NBEAL2: variants seen among roughly 807,000 people sequenced by gnomAD.
NBEAL2 encodes neurobeachin like 2.
In NBEAL2, 160 loss-of-function variants were observed where a neutral mutation model predicts 299.8. That is an observed-to-expected ratio of 0.53 (90% CI 0.47 to 0.61). The LOEUF (loss-of-function observed/expected upper bound fraction) is 0.61. Ranked by LOEUF, NBEAL2 falls within the 20% of genes least tolerant of loss-of-function variation. NBEAL2 has a pLI of 0.00. For synonymous variants in NBEAL2, 1,493 were observed against 1,542.3 expected (o/e 0.97, Z 0.75); for missense variants, 3,112 against 3,649.0 (o/e 0.85, Z 3.79).
chr3:46,995,307 C>T lies in NBEAL2; in HGVS notation c.1572C>T (p.Gly524=), dbSNP rs2036403697. Reference sequence around the variant, plus strand: ...TGCTGGCACTGCTACAAGCACTGGGCCGTGTATCAATAAGGCCCATGGAGC... The same window carrying T: ...TGCTGGCACTGCTACAAGCACTGGGTCGTGTATCAATAAGGCCCATGGAGC... The part of the protein sequence containing the change: ...EQLLALLQAL[G]RVSIRPMELR... Residue 524 remains glycine, a synonymous_variant, in exon 13 of 54, where the codon GGC becomes GGT. Transcript: ENST00000450053. The T allele has an allele frequency of 6.3e-7, 1 of 1,582,166 alleles. No individual in the cohort carries two copies. Among genetic ancestry groups the T allele is most frequent in the South Asian group, 1.1e-5 (1 of 87,566 alleles).
In NBEAL2 at chr3:47,002,302, G is replaced by A. The variant is rs925859427; in HGVS notation, c.5151+14G>A. 1.3e-6 allele frequency: 2 copies of A among 1,585,250 alleles called. No homozygotes were observed. Among genetic ancestry groups the A allele is most frequent in the Non-Finnish European group, 8.6e-7 (1 of 1,162,060 alleles). On this transcript the variant is annotated intron_variant, in intron 31 of 53. Coordinates refer to ENST00000450053, the MANE Select transcript of NBEAL2 (RefSeq NM_015175.3). Reference sequence around the variant, plus strand: ...ATCGACAAACAGGTGCCTGGAGGTTGGGGCCCAGGAAGAGGAGTGGGGGCT... The same window carrying A: ...ATCGACAAACAGGTGCCTGGAGGTTAGGGCCCAGGAAGAGGAGTGGGGGCT...
In NBEAL2 at chr3:47,000,285, C is replaced by A. The variant is rs1436746563; in HGVS notation, c.4186C>A (p.Arg1396=). 1 of 1,612,678 alleles carries A rather than the reference C, an allele frequency of 6.2e-7. No homozygotes were observed. Among genetic ancestry groups the A allele is most frequent in the African/African-American group, 1.3e-5 (1 of 75,052 alleles). ...PGTPSPLDGP[R]PFPAAPGRHS... is the part of the protein sequence containing the mutation. ...CACTCCTTCGCCACTGGATGGGCCGCGGCCCTTTCCTGCTGCTCCTGGCCG... is the reference window on the plus strand; with the variant it reads ...CACTCCTTCGCCACTGGATGGGCCGAGGCCCTTTCCTGCTGCTCCTGGCCG... The change falls in exon 27 of 54, where the codon CGG becomes AGG. Residue 1396 remains arginine (R), a synonymous_variant. Coordinates refer to ENST00000450053, the MANE Select transcript of NBEAL2 (RefSeq NM_015175.3). The surrounding 1 kb of genome is among the most constrained non-coding windows in gnomAD (Gnocchi z 4.5).
rs371072275 is a variant in NBEAL2, at chr3:47,002,143, G to T, written c.5006G>T (p.Arg1669Leu). 52 of 1,550,326 alleles carry T rather than the reference G, an allele frequency of 3.4e-5. No homozygotes were observed. Among genetic ancestry groups the T allele is most frequent in the Non-Finnish European group, 4.4e-5 (51 of 1,146,850 alleles). The change falls in exon 31 of 54, where the codon CGC becomes CTC. Residue 1669 changes from arginine to leucine, a missense_variant. Physicochemically the swap from Arg to Leu is moderately radical, Grantham distance 102. Transcript: ENST00000450053. ...TGCTCCTGGCTGGTGCCACTGGTGC[G>T]CACGCTGCTAGACCGTGCCTATGAG... ...ERCSWLVPLVRTLLDRAYEPL... is the reference protein window; with the variant it reads ...ERCSWLVPLVLTLLDRAYEPL...
Position 47,005,014 on chromosome 3 carries a change from C to T in NBEAL2, c.6337C>T (p.Leu2113Phe), listed in dbSNP as rs2037318794. 6.2e-7 allele frequency: 1 copy of T among 1,612,172 alleles called. No homozygotes were observed. The highest frequency in any genetic ancestry group is 1.7e-5 in the Admixed American group (1 of 59,796). Reference sequence around the variant, plus strand: ...GGACTACGTGTCCCCAACCCTGGACCTCAGCAACCCAGCCGTCTTCCGGGA... The same window carrying T: ...GGACTACGTGTCCCCAACCCTGGACTTCAGCAACCCAGCCGTCTTCCGGGA... ...LQDYVSPTLDLSNPAVFRDLS... is the reference protein window; with the variant it reads ...LQDYVSPTLDFSNPAVFRDLS... Residue 2113 changes from leucine (L) to phenylalanine (F), a missense_variant, in exon 39 of 54, where the codon CTC (leucine) becomes TTC (phenylalanine). Transcript: ENST00000450053.
Position 47,009,605 on chromosome 3 carries a change from C to A in NBEAL2, c.*285C>A. On this transcript the variant is annotated 3_prime_UTR_variant, in exon 54 of 54. Coordinates refer to ENST00000450053, the MANE Select transcript of NBEAL2 (RefSeq NM_015175.3). ...GGGCGGGGTTCCCCGGCTTCCAAGT[C>A]GCTGTTTCGTCAAAGCACGAGGGCC... 1 of 455,926 alleles carries A rather than the reference C, an allele frequency of 2.2e-6. No homozygotes were observed. The highest frequency in any genetic ancestry group is 3.8e-5 in the East Asian group (1 of 26,438). The allele number at this position is 455,926 out of a possible 1,614,324, so 28.2% of individuals were successfully genotyped here.
chr3:46,997,071 T>C, intron 18 of NBEAL2, 25 bp downstream of exon 18: 1 of 1,600,926 alleles, frequency 6.2e-7, no homozygotes, highest in Non-Finnish European at 8.5e-7. Flanking sequence ...GTGGGTGGTG[T>C]GTGCAGGAGG....
At position 46,995,782 on chromosome 3, in the gene NBEAL2, T is replaced by A; in HGVS notation, c.1967T>A (p.Val656Glu). The A allele has an allele frequency of 2.5e-6, 4 of 1,613,788 alleles. No individual in the cohort carries two copies. Among genetic ancestry groups the A allele is most frequent in the Non-Finnish European group, 3.4e-6 (4 of 1,179,874 alleles). Residue 656 changes from valine to glutamate, a missense_variant, in exon 14 of 54, where the codon GTG becomes GAG. This residue lies in a region of NBEAL2 where 2,243 missense variants were observed against 2,538.1 expected (regional missense o/e 0.88). Coordinates refer to ENST00000450053, the MANE Select transcript of NBEAL2 (RefSeq NM_015175.3). Reference protein sequence around the residue: ...FTAAGTLVVAVCTRKEYLTMS... With the variant: ...FTAAGTLVVAECTRKEYLTMS... ...GCGGCCGGGACCCTGGTGGTGGCTG[T>A]GTGCACACGGAAGGAGTATTTGACC...
At chr3:47,007,019 AAT>A in intron 45 of NBEAL2, 45 bp from the exon 46 acceptor site, 1 of 1,438,974 alleles carries the variant, frequency 6.9e-7, no homozygotes, top group Non-Finnish European at 9.6e-7. Context: ...CAGATAGTGT[AAT>A]CTGATAGTAC....
At position 46,997,409 on chromosome 3, in the gene NBEAL2, G is replaced by T; in HGVS notation, c.2800G>T (p.Val934Phe). Residue 934 changes from valine to phenylalanine, a missense_variant, in exon 19 of 54, where the codon GTT (valine) becomes TTT (phenylalanine). This residue lies in a region of NBEAL2 where 2,243 missense variants were observed against 2,538.1 expected (regional missense o/e 0.88). Transcript: ENST00000450053. ...LTSGHNTQGL[V>F]LPLGKSSEER... ...CTCTGGTCACAACACCCAGGGCCTG[G>T]TTCTCCCATTGGGTAAATCTTCAGG... 6.2e-7 allele frequency: 1 copy of T among 1,610,744 alleles called. No homozygotes were observed. Among genetic ancestry groups the T allele is most frequent in the Non-Finnish European group, 8.5e-7 (1 of 1,179,054 alleles).
At position 46,989,323 on chromosome 3, in the gene NBEAL2, C is replaced by T. The variant is rs369897407; in HGVS notation, c.415C>T (p.Leu139=). Residue 139 remains leucine, a synonymous_variant, in exon 5 of 54, where the codon CTG becomes TTG. Transcript: ENST00000450053. This position sits in a 1 kb window ranked among gnomAD's most constrained non-coding sequence, Gnocchi z 5.5. ...TQLENVALHA[L]LLCEGLFDPY... Reference sequence around the variant, plus strand: ...GTTGGAGAATGTGGCCCTACATGCTCTGCTTCTCTGCGAGGGCCTCTTTGA... The same window carrying T: ...GTTGGAGAATGTGGCCCTACATGCTTTGCTTCTCTGCGAGGGCCTCTTTGA... 2.5e-5 allele frequency: 40 copies of T among 1,596,772 alleles called. No individual in the cohort carries two copies. In the African/African-American group the frequency reaches 3.2e-4, roughly 13 times the overall value.
In NBEAL2 at chr3:46,995,763, G is replaced by A. The variant is rs201373710; in HGVS notation, c.1948G>A (p.Gly650Arg). 2,168 of 1,613,660 alleles carry A rather than the reference G, an allele frequency of 1.3e-3. 9 individuals are homozygous for A. In the Middle Eastern group the frequency reaches 0.026, roughly 20 times the overall value. The change falls in exon 14 of 54, where the codon GGG (glycine) becomes AGG (arginine). Residue 650 changes from glycine to arginine, a missense_variant. Gly to Arg is a moderately radical substitution (Grantham distance 125). Transcript: ENST00000450053. ...GTTTGAGGCCTTCTTCACGGCGGCC[G>A]GGACCCTGGTGGTGGCTGTGTGCAC... ...SGFEAFFTAA[G>R]TLVVAVCTRK...
chr3:46,994,756 C>A (rs2036356973), intron 12 of NBEAL2, among the ~76,000 whole-genome samples: 2 of 152,218 alleles, frequency 1.3e-5, no homozygotes, highest in Admixed American at 6.5e-5. Flanking sequence ...TGCATGTGAG[C>A]AAGCCCCAGG....
rs1186162884 is a variant in NBEAL2, at chr3:47,002,498, C to T, written c.5279C>T (p.Ala1760Val). The change falls in exon 32 of 54, where the codon GCC becomes GTC. Residue 1760 changes from alanine to valine, a missense_variant. By Grantham distance (64) the Ala-to-Val change is moderately conservative. This residue lies in a region of NBEAL2 where 2,243 missense variants were observed against 2,538.1 expected (regional missense o/e 0.88). Transcript: ENST00000450053. ...GGGCAGCGGCGCCAGTGGGAGCGCG[C>T]CCAGAGTCGTCGGGCCTTCCAGGTG... Reference protein sequence around the residue: ...SSGQRRQWERAQSRRAFQELV... With the variant: ...SSGQRRQWERVQSRRAFQELV... The T allele has an allele frequency of 1.2e-6, 2 of 1,612,708 alleles. No homozygotes were observed. The highest frequency in any genetic ancestry group is 1.3e-5 in the African/African-American group (1 of 74,946).
At chr3:47,006,752 C>T (rs2037474998) in intron 45 of NBEAL2, among the ~76,000 whole-genome samples, 1 of 152,136 alleles carries the variant, frequency 6.6e-6, no homozygotes, top group African/African-American at 2.4e-5. Context: ...GCCCCCAGGC[C>T]TGACTTTTTT....
Position 46,995,800 on chromosome 3 carries a change from A to G in NBEAL2, c.1985A>G (p.Tyr662Cys), listed in dbSNP as rs1171833737. The stretch of plus-strand genomic sequence containing the variant: ...GTGGCTGTGTGCACACGGAAGGAGT[A>G]TTTGACCATGAGTTTGCCCGAAGTG... ...LVVAVCTRKE[Y>C]LTMSLPEVSF... Residue 662 changes from tyrosine (Y) to cysteine (C), a missense_variant, in exon 14 of 54, where the codon TAT becomes TGT. Physicochemically the swap from Tyr to Cys is radical, Grantham distance 194. Around this residue, in one of 3 missense-constraint regions of NBEAL2, gnomAD observed 2,243 missense variants for 2,538.1 expected, o/e 0.88. Transcript: ENST00000450053. 8 of 1,613,828 alleles carry G rather than the reference A, an allele frequency of 5.0e-6. No individual in the cohort carries two copies. The highest frequency in any genetic ancestry group is 6.8e-6 in the Non-Finnish European group (8 of 1,179,876).
Position 47,000,884 on chromosome 3 carries a change from C to G in NBEAL2, c.4306-117C>G. ...CCAGGCTCACTGTTAGCCAAATGCT[C>G]TGACTCCTGGGTGGCTACCCCAGGA... is the stretch of plus-strand genomic sequence containing the variant. On this transcript the variant is annotated intron_variant, in intron 27 of 53. Transcript: ENST00000450053. This position sits in a 1 kb window ranked among gnomAD's most constrained non-coding sequence, Gnocchi z 4.5. The G allele has an allele frequency of 6.9e-7, 1 of 1,444,802 alleles. No homozygotes were observed. Among genetic ancestry groups the G allele is most frequent in the Non-Finnish European group, 9.4e-7 (1 of 1,065,924 alleles). 89.5% of individuals were successfully genotyped at this position (1,444,802 alleles called of 1,614,324 possible).
chr3:46,991,959 C>T lies in NBEAL2; in HGVS notation c.1032+13C>T, dbSNP rs1166549829. ...TCAGAACAGCAAGGTGGGTAGGGCC[C>T]AGCCTGGGGGTGAGGGTCTGGAAGC... On this transcript the variant is annotated intron_variant, in intron 9 of 53. Transcript: ENST00000450053. This position sits in a 1 kb window ranked among gnomAD's most constrained non-coding sequence, Gnocchi z 6.2. 6.3e-7 allele frequency: 1 copy of T among 1,580,616 alleles called. No homozygotes were observed. Among genetic ancestry groups the T allele is most frequent in the Non-Finnish European group, 8.6e-7 (1 of 1,162,766 alleles).
chr3:47,008,961 G>A, intron 52 of NBEAL2, 28 bp from the exon 53 acceptor site: 1 of 1,598,450 alleles, frequency 6.3e-7, no homozygotes, highest in Admixed American at 1.7e-5. Flanking sequence ...GCAGTCGCAA[G>A]TTGGTGTATA....
Position 46,979,912 on chromosome 3 carries a change from G to C in NBEAL2, c.51G>C (p.Gln17His). 1 of 415,390 alleles carries C rather than the reference G, an allele frequency of 2.4e-6. No homozygotes were observed. Among genetic ancestry groups the C allele is most frequent in the Non-Finnish European group, 4.3e-6 (1 of 230,010 alleles). 25.7% of individuals were successfully genotyped at this position (415,390 alleles called of 1,614,324 possible). A position where few individuals can be genotyped will look rare whatever the true frequency, so the allele number is the denominator to read the frequency against. Residue 17 changes from glutamine to histidine, a missense_variant and splice_region_variant, in exon 1 of 54, where the codon CAG becomes CAC. Gln to His is a conservative substitution (Grantham distance 24). Coordinates refer to ENST00000450053, the MANE Select transcript of NBEAL2 (RefSeq NM_015175.3). ...LYELWLLYYAQKDLGYLQQWL... is the reference protein window; with the variant it reads ...LYELWLLYYAHKDLGYLQQWL... Reference sequence around the variant, plus strand: ...AGTTGTGGCTGCTCTACTACGCGCAGGTGAGCCCGCCCCGCCCCGCGCCCG... The same window carrying C: ...AGTTGTGGCTGCTCTACTACGCGCACGTGAGCCCGCCCCGCCCCGCGCCCG...
Sources: allele counts gnomAD v4.1 joint callset (sites outside exome capture counted in the v4.1 genomes callset), GRCh38; gene constraint gnomAD v4.1.1; regional missense constraint gnomAD v4.1.1; non-coding constraint Gnocchi (gnomAD v3.1); transcripts MANE v1.5; gene names NCBI Gene and HGNC (gene_info 2026-07-23, HGNC 2026-07-21).